Variants in MRPS28 observed in about 807,000 individuals in gnomAD.
MRPS28 encodes small ribosomal subunit protein bS1m.
Under a neutral mutation model 10.8 loss-of-function variants are expected in MRPS28, and 7 were observed. The ratio of observed to expected loss-of-function variants is 0.65; its 90% CI spans 0.37 to 1.22. The LOEUF is 1.22. Among genes scored for constraint, MRPS28 ranks in the 50% most tolerant of loss-of-function variants. MRPS28 has a pLI of 0.02. For missense variants in MRPS28, 265 were observed against 232.9 expected (o/e 1.14, Z -0.90); for synonymous variants, 121 against 93.3 (o/e 1.30, Z -1.71).
intron 1 of MRPS28, among the ~76,000 whole-genome samples, chr8:80,021,250 C>A (rs1327836919): frequency 6.6e-6 from 1 of 152,182 alleles, no homozygotes; most frequent in Non-Finnish European, 1.5e-5. Flanking sequence ...TTCCGCCCAC[C>A]TTGGTCTCCC....
At chr8:79,944,463 A>T (rs1344175666) in intron 2 of MRPS28, among the ~76,000 whole-genome samples, 1 of 152,188 alleles carries the variant, frequency 6.6e-6, no homozygotes, top group East Asian at 1.9e-4. Flanking sequence ...TGCTACGTTT[A>T]TATGTGCAGC....
In MRPS28 at chr8:80,011,714, C is replaced by A. The variant is rs527544630; in HGVS notation, c.214-8534G>T. Among the ~76,000 whole-genome samples, 14 of 152,130 alleles carry A rather than the reference C, an allele frequency of 9.2e-5. No individual in the cohort carries two copies. The East Asian group carries it at 2.7e-3, about 29-fold the overall frequency. On this transcript the variant is annotated intron_variant, in intron 1 of 2. Coordinates refer to ENST00000276585, the MANE Select transcript of MRPS28 (RefSeq NM_014018.3). ...GTTGCAGTGAGCCGAGATGGCACAA[C>A]TGCACTCTAGCCTGGGCGACAGAGT...
At chr8:79,940,313 G>A (rs541936183) in intron 2 of MRPS28, among the ~76,000 whole-genome samples, 1 of 152,242 alleles carries the variant, frequency 6.6e-6, no homozygotes, top group South Asian at 2.1e-4. Flanking sequence ...AGGCATTATT[G>A]TACATATCAT....
intron 2 of MRPS28, among the ~76,000 whole-genome samples, chr8:79,921,689 C>T (rs1810098697): frequency 6.6e-6 from 1 of 152,064 alleles, no homozygotes; most frequent in African/African-American, 2.4e-5. Context: ...TGGGCTGAGA[C>T]AATGGGGTTT....
intron 1 of MRPS28, among the ~76,000 whole-genome samples, chr8:80,027,979 C>T (rs1809533409): frequency 6.6e-6 from 1 of 152,152 alleles, no homozygotes; most frequent in African/African-American, 2.4e-5. Context: ...GGAAACACCC[C>T]AGCCTCCTCC....
intron 2 of MRPS28, among the ~76,000 whole-genome samples, chr8:79,971,790 T>C (rs1337013049): frequency 6.6e-6 from 1 of 152,146 alleles, no homozygotes; most frequent in Non-Finnish European, 1.5e-5. Flanking sequence ...CTCTGTCTCA[T>C]GGGTTCAAGC....
intron 2 of MRPS28, among the ~76,000 whole-genome samples, chr8:79,981,688 T>C (rs1470851399): frequency 1.3e-5 from 2 of 152,178 alleles, no homozygotes; most frequent in Non-Finnish European, 2.9e-5. Flanking sequence ...TAACTTAAAA[T>C]CGTATCTTCC....
chr8:79,931,077 G>A (rs905512534), intron 2 of MRPS28, among the ~76,000 whole-genome samples: 3 of 152,110 alleles, frequency 2.0e-5, no homozygotes, highest in African/African-American at 4.8e-5. Context: ...AAAAAATAGT[G>A]TTAGGCATAT....
At chr8:79,998,981 T>G (rs942094622) in intron 2 of MRPS28, among the ~76,000 whole-genome samples, 1 of 152,222 alleles carries the variant, frequency 6.6e-6, no homozygotes, top group Non-Finnish European at 1.5e-5. Context: ...ATTTAATTAA[T>G]CTTTAAACTG....
intron 2 of MRPS28, among the ~76,000 whole-genome samples, chr8:79,972,299 C>A (rs1586068100): frequency 1.3e-5 from 2 of 152,268 alleles, no homozygotes; most frequent in East Asian, 3.9e-4. Flanking sequence ...ACTTCAGCAA[C>A]CATGGATTTT....
intron 2 of MRPS28, among the ~76,000 whole-genome samples, chr8:79,997,583 C>T (rs1302624330): frequency 6.6e-6 from 1 of 151,770 alleles, no homozygotes; most frequent in African/African-American, 2.4e-5. Flanking sequence ...AAAAAACTCT[C>T]TCCTTTCTGA....
chr8:80,004,356 G>A (rs2130168211), intron 1 of MRPS28, among the ~76,000 whole-genome samples: 1 of 152,382 alleles, frequency 6.6e-6, no homozygotes, highest in East Asian at 1.9e-4. Context: ...AGCCTCTGCT[G>A]CTGATACCCA....
chr8:79,994,943 T>A (rs1420020032), intron 2 of MRPS28, among the ~76,000 whole-genome samples: 2 of 152,068 alleles, frequency 1.3e-5, no homozygotes, highest in Non-Finnish European at 2.9e-5. Context: ...CCAGAAACAC[T>A]CTCACTTTCG....
intron 2 of MRPS28, among the ~76,000 whole-genome samples, chr8:79,987,668 A>G (rs1178372744): frequency 6.6e-6 from 1 of 152,256 alleles, no homozygotes; most frequent in Non-Finnish European, 1.5e-5. Context: ...CAAAAAACAC[A>G]TGAAAAAATG....
chr8:79,967,758 AAGT>A (rs1435872945), intron 2 of MRPS28, among the ~76,000 whole-genome samples: 1 of 152,100 alleles, frequency 6.6e-6, no homozygotes, highest in East Asian at 1.9e-4. Flanking sequence ...AGATTTCCTC[AAGT>A]AGCAAAAGAC....
chr8:79,961,040 G>C (rs1158619448), intron 2 of MRPS28, among the ~76,000 whole-genome samples: 1 of 152,046 alleles, frequency 6.6e-6, no homozygotes, highest in Non-Finnish European at 1.5e-5. Context: ...GGCCTTCCCT[G>C]ATTTCAATCT....
At chr8:79,993,607 T>A (rs1808421651) in intron 2 of MRPS28, among the ~76,000 whole-genome samples, 1 of 152,180 alleles carries the variant, frequency 6.6e-6, no homozygotes, top group African/African-American at 2.4e-5. Flanking sequence ...TATTTTAAGG[T>A]TTCCTATTAA....
chr8:79,980,704 A>T (rs1442903287), intron 2 of MRPS28, among the ~76,000 whole-genome samples: 1 of 152,264 alleles, frequency 6.6e-6, no homozygotes, highest in African/African-American at 2.4e-5. Context: ...CCATCAAAAA[A>T]GTAAGCAATG....
At chr8:80,000,240 A>T (rs1475683948) in intron 2 of MRPS28, among the ~76,000 whole-genome samples, 1 of 152,190 alleles carries the variant, frequency 6.6e-6, no homozygotes, top group Non-Finnish European at 1.5e-5. Context: ...ATCCTCATTC[A>T]TGAATGTATT....
Sources: gnomAD v4.1 joint callset for allele counts (sites outside exome capture counted in the v4.1 genomes callset) on GRCh38, gnomAD v4.1.1 for gene constraint, MANE v1.5 for transcripts, NCBI Gene and HGNC (gene_info 2026-07-23, HGNC 2026-07-21) for gene names.